TC2N: variants seen among roughly 807,000 people sequenced by gnomAD.
TC2N encodes the protein tandem C2 domains nuclear protein.
TC2N carries 51 observed loss-of-function variants against 61.9 expected under a neutral mutation model. The ratio of observed to expected loss-of-function variants is 0.82; its 90% CI spans 0.66 to 1.04. The LOEUF (loss-of-function observed/expected upper bound fraction) is 1.04, where lower values mean the gene tolerates loss of function less well. Ranked by LOEUF, TC2N falls within the 50% of genes least tolerant of loss-of-function variation. The pLI is 0.00. For missense variants in TC2N, 556 were observed against 566.7 expected, an observed-to-expected ratio of 0.98 and a Z score of 0.19; for synonymous variants, 204 against 192.6, an observed-to-expected ratio of 1.06 and a Z score of -0.49.
chr14:91,852,362 C>A (rs1355973272), intron 1 of TC2N, among the ~76,000 whole-genome samples: 1 of 151,960 alleles, frequency 6.6e-6, no homozygotes, highest in African/African-American at 2.4e-5. Flanking sequence ...ACCCAGGAGG[C>A]GGAGGTTGCG....
chr14:91,846,338 C>T (rs889347825), intron 1 of TC2N, among the ~76,000 whole-genome samples: 3 of 152,064 alleles, frequency 2.0e-5, no homozygotes, highest in African/African-American at 7.2e-5. Context: ...TAGAGTTCAT[C>T]GTGGAGAGGA....
At chr14:91,813,527 A>ACT (rs1426525335) in intron 2 of TC2N, among the ~76,000 whole-genome samples, 176 bp downstream of exon 2, 1 of 151,084 alleles carries the variant, frequency 6.6e-6, no homozygotes, top group African/African-American at 2.4e-5. Flanking sequence ...GGGTTGAATT[A>ACT]CTCTCTCTCT....
At chr14:91,840,047 C>T (rs1355143489) in intron 1 of TC2N, among the ~76,000 whole-genome samples, 1 of 152,188 alleles carries the variant, frequency 6.6e-6, no homozygotes, top group Non-Finnish European at 1.5e-5. Flanking sequence ...AGCCTTCACC[C>T]CACTGTCTCC....
chr14:91,788,870 A>T (rs1885491786), intron 9 of TC2N, among the ~76,000 whole-genome samples: 1 of 152,228 alleles, frequency 6.6e-6, no homozygotes, highest in African/African-American at 2.4e-5. Context: ...ACAAATGCTG[A>T]CTTCTAATAA....
intron 1 of TC2N, among the ~76,000 whole-genome samples, chr14:91,840,292 G>GGGC (rs1193171586): frequency 2.0e-5 from 3 of 152,036 alleles, no homozygotes; most frequent in Admixed American, 6.5e-5. Context: ...ACTCTGATAG[G>GGGC]CACTGTCATG....
chr14:91,848,782 C>T (rs1268493245), intron 1 of TC2N, among the ~76,000 whole-genome samples: 2 of 152,192 alleles, frequency 1.3e-5, no homozygotes, highest in African/African-American at 2.4e-5. Flanking sequence ...CCTATCTTTT[C>T]CAAGATGACT....
At chr14:91,858,543 G>A (rs900352412) in intron 1 of TC2N, among the ~76,000 whole-genome samples, 3 of 152,146 alleles carry the variant, frequency 2.0e-5, no homozygotes, top group African/African-American at 7.2e-5. Context: ...TATACTTTGG[G>A]GTAAATGAAT....
intron 1 of TC2N, among the ~76,000 whole-genome samples, chr14:91,844,849 A>G (rs1384491174): frequency 6.6e-6 from 1 of 152,046 alleles, no homozygotes; most frequent in African/African-American, 2.4e-5. Flanking sequence ...CCATCCAAAT[A>G]GTACATCAAC....
At chr14:91,791,697 G>C (rs967719733) in intron 9 of TC2N, among the ~76,000 whole-genome samples, 1 of 151,968 alleles carries the variant, frequency 6.6e-6, no homozygotes, top group African/African-American at 2.4e-5. Flanking sequence ...ATCTCTGATT[G>C]AGTGTGGAAT....
intron 2 of TC2N, 39 bp from the exon 3 acceptor site, chr14:91,812,584 T>A: frequency 2.0e-6 from 2 of 993,780 alleles, no homozygotes; most frequent in Non-Finnish European, 3.1e-6. Context: ...AATATGAATA[T>A]AGGTTACATA....
intron 11 of TC2N, among the ~76,000 whole-genome samples, chr14:91,784,249 A>G (rs551066631): frequency 2.0e-5 from 3 of 152,304 alleles, no homozygotes; most frequent in African/African-American, 7.2e-5. Flanking sequence ...GCTCGATGAT[A>G]TACGAAAACT....
rs1168624413 is a variant in TC2N at position 91,837,245 on chromosome 14, AG to A, written c.-56-23421del. Among the ~76,000 whole-genome samples, 1 of 152,140 alleles carries A rather than the reference AG, an allele frequency of 6.6e-6. No individual in the cohort carries two copies. Among genetic ancestry groups the A allele is most frequent in the Admixed American group, 6.5e-5 (1 of 15,280 alleles). ...TTTTTTGTTTGTTTTGTTTTGACAG[AG>A]GTTCTGTCGCCCAGGCTGGAGTGTA... On this transcript the variant is annotated intron_variant, in intron 1 of 11. Transcript: ENST00000435962. This position sits in a 1 kb window ranked among gnomAD's most constrained non-coding sequence, Gnocchi z 4.2.
chr14:91,791,339 G>A (rs936095226), intron 9 of TC2N, among the ~76,000 whole-genome samples: 1 of 152,078 alleles, frequency 6.6e-6, no homozygotes, highest in Admixed American at 6.6e-5. Context: ...TGTATACCCA[G>A]AGTTAAGAAG....
intron 1 of TC2N, among the ~76,000 whole-genome samples, chr14:91,860,393 C>A (rs572025158): frequency 6.6e-6 from 1 of 151,682 alleles, no homozygotes; most frequent in Non-Finnish European, 1.5e-5. Flanking sequence ...CTTTTCATTG[C>A]AGGACTTCTC....
chr14:91,789,789 C>G (rs1885557177), intron 9 of TC2N, among the ~76,000 whole-genome samples: 1 of 152,076 alleles, frequency 6.6e-6, no homozygotes, highest in Non-Finnish European at 1.5e-5. Context: ...ATTAAAATTC[C>G]AATCAATTAG....
chr14:91,807,445 A>G (rs147638203), intron 3 of TC2N, among the ~76,000 whole-genome samples: 3 of 152,304 alleles, frequency 2.0e-5, no homozygotes, highest in Non-Finnish European at 4.4e-5. Flanking sequence ...GCTGCCCAAG[A>G]CCATGGTAAC....
chr14:91,799,211 TGGA>T, intron 5 of TC2N, 147 bp from the exon 6 acceptor site: 1 of 455,436 alleles, frequency 2.2e-6, no homozygotes. Context: ...TTACAGGTAG[TGGA>T]AAAAAAAAAA....
intron 1 of TC2N, among the ~76,000 whole-genome samples, chr14:91,860,682 C>A (rs1047989656): frequency 6.6e-6 from 1 of 152,180 alleles, no homozygotes; most frequent in Admixed American, 6.5e-5. Flanking sequence ...CTTCTTACTG[C>A]CCTTCCCCTC....
chr14:91,866,879 C>A (rs1024590647), intron 1 of TC2N, among the ~76,000 whole-genome samples: 1 of 152,190 alleles, frequency 6.6e-6, no homozygotes, highest in Non-Finnish European at 1.5e-5. Flanking sequence ...GTTCCAGCAG[C>A]CTCTAGAACT....
Sources: allele counts gnomAD v4.1 joint callset (sites outside exome capture counted in the v4.1 genomes callset), GRCh38; gene constraint gnomAD v4.1.1; non-coding constraint Gnocchi (gnomAD v3.1); transcripts MANE v1.5; gene names NCBI Gene and HGNC (gene_info 2026-07-23, HGNC 2026-07-21).